The following TEX11 variants were observed in gnomAD, a reference collection of about 807,000 sequenced individuals.
TEX11 encodes testis expressed 11, also known as testis-expressed protein 11.
Under a neutral mutation model 84.4 loss-of-function variants are expected in TEX11, and 7 were observed. The observed-to-expected ratio is 0.08, with a 90% confidence interval of 0.05 to 0.16. The LOEUF is 0.16. Ranked by LOEUF, TEX11 falls within the 10% of genes least tolerant of loss-of-function variation. The pLI is 1.00. For missense variants in TEX11, 551 were observed against 660.5 expected, an observed-to-expected ratio of 0.83 and a Z score of 1.82; for synonymous variants, 264 against 222.8, an observed-to-expected ratio of 1.18 and a Z score of -1.64.
chrX:70,610,931 A>T (rs2089253673), intron 20 of TEX11, among the ~76,000 whole-genome samples: 1 of 112,373 alleles, frequency 8.9e-6, no homozygotes, highest in Non-Finnish European at 1.9e-5. Context: ...ACAAGAAAAG[A>T]TAAAAGATAA....
At position 70,869,146 on chromosome X, in the gene TEX11, A is replaced by T. The variant is rs181706884; in HGVS notation, c.244+4077T>A. On this transcript the variant is annotated intron_variant, in intron 4 of 29. Transcript: ENST00000374333. ...ATAAAATAAAGAAAAGAAAAAGAAA[A>T]TGTTTCCTTTCTTTATTCCAAAGTT... is the stretch of plus-strand genomic sequence containing the variant. 1.6e-3 allele frequency among the ~76,000 whole-genome samples: 170 copies of T among 109,454 alleles called. 4 individuals carry two copies. The highest frequency in any genetic ancestry group is 5.9e-4 in the Non-Finnish European group (31 of 52,563).
Position 70,840,153 on chromosome X carries a change from G to C in TEX11, c.526-6560C>G, listed in dbSNP as rs1285494350. 1.2e-4 allele frequency among the ~76,000 whole-genome samples: 13 copies of C among 111,242 alleles called. No homozygotes were observed. In the Admixed American group the frequency reaches 1.3e-3, roughly 11 times the overall value. On this transcript the variant is annotated intron_variant, in intron 7 of 29. Transcript: ENST00000374333. Reference sequence around the variant, plus strand: ...ACACCACAAAGATACTCCTCGAGAAGAGCAAGTCCAAGACACATAATTGTC... The same window carrying C: ...ACACCACAAAGATACTCCTCGAGAACAGCAAGTCCAAGACACATAATTGTC...
intron 17 of TEX11, among the ~76,000 whole-genome samples, chrX:70,641,883 G>T (rs750763851): frequency 2.7e-5 from 3 of 111,146 alleles, no homozygotes; most frequent in East Asian, 2.8e-4. Flanking sequence ...GCAAACACAT[G>T]CAAAAGCTAA....
chrX:70,838,762 T>A (rs911079568), intron 7 of TEX11, among the ~76,000 whole-genome samples: 1 of 112,186 alleles, frequency 8.9e-6, no homozygotes, highest in Non-Finnish European at 1.9e-5. Context: ...AGATGGCACC[T>A]GGAAAATCGG....
intron 16 of TEX11, among the ~76,000 whole-genome samples, chrX:70,666,129 G>A (rs1179529245): frequency 8.9e-6 from 1 of 111,802 alleles, no homozygotes; most frequent in South Asian, 3.8e-4. Flanking sequence ...TCCAATAGAT[G>A]ACTAAGGCAG....
chrX:70,735,869 T>A (rs748624574), intron 11 of TEX11, among the ~76,000 whole-genome samples: 1 of 112,364 alleles, frequency 8.9e-6, no homozygotes, highest in East Asian at 2.8e-4. Flanking sequence ...ATATTGAGTA[T>A]CTTTTTGTGT....
At chrX:70,571,721 C>T (rs756608787) in intron 25 of TEX11, among the ~76,000 whole-genome samples, 2 of 111,534 alleles carry the variant, frequency 1.8e-5, no homozygotes, top group South Asian at 7.4e-4. Flanking sequence ...GATTTCAATC[C>T]TTTGAAACTT....
intron 15 of TEX11, among the ~76,000 whole-genome samples, chrX:70,676,775 T>C (rs755264039): frequency 8.9e-5 from 10 of 112,033 alleles, no homozygotes; most frequent in Non-Finnish European, 1.7e-4. Context: ...TTTTAAGGGT[T>C]TTTTCCCTGT....
chrX:70,708,228 C>T (rs957470926), intron 13 of TEX11, among the ~76,000 whole-genome samples: 6 of 111,343 alleles, frequency 5.4e-5, no homozygotes, highest in African/African-American at 1.6e-4. Flanking sequence ...AAGAAAAATG[C>T]AAATCAAAAC....
chrX:70,581,919 C>T (rs933791782), intron 25 of TEX11, among the ~76,000 whole-genome samples: 1 of 111,707 alleles, frequency 9.0e-6, no homozygotes, highest in African/African-American at 3.2e-5. Flanking sequence ...GTTTCTAAGA[C>T]AGTAGTTCTC....
the TEX11 span, among the ~76,000 whole-genome samples, chrX:70,516,904 A>G: frequency 9.0e-6 from 1 of 111,236 alleles, no homozygotes; most frequent in East Asian, 2.8e-4. Flanking sequence ...GAGTTCACTC[A>G]CGATTTGGCT....
chrX:70,617,978 A>G (rs1179132178), intron 20 of TEX11, among the ~76,000 whole-genome samples: 1 of 112,295 alleles, frequency 8.9e-6, no homozygotes, highest in Non-Finnish European at 1.9e-5. Context: ...GAGCTGCTTA[A>G]TTTATGCATG....
At chrX:70,698,773 A>C (rs1283613781) in intron 13 of TEX11, among the ~76,000 whole-genome samples, 1 of 111,329 alleles carries the variant, frequency 9.0e-6, no homozygotes, top group Non-Finnish European at 1.9e-5. Flanking sequence ...AGATATGAGA[A>C]AAGGAGTAAA....
chrX:70,685,483 A>T (rs1278398372), intron 13 of TEX11, among the ~76,000 whole-genome samples: 1 of 112,439 alleles, frequency 8.9e-6, no homozygotes, highest in African/African-American at 3.2e-5. Flanking sequence ...GTAATACTTG[A>T]AACTGTAGAA....
rs35715918 is a variant in TEX11 at position 70,664,791 on chromosome X, G to GT, written c.1380+5585dup. Among the ~76,000 whole-genome samples, 12 of 79,684 alleles carry GT rather than the reference G, an allele frequency of 1.5e-4. No homozygotes were observed. In the South Asian group the frequency reaches 2.1e-3, roughly 14 times the overall value. 69.2% of individuals were successfully genotyped at this position (79,684 alleles called of 115,157 possible). On this transcript the variant is annotated intron_variant, in intron 16 of 29. Coordinates refer to ENST00000374333, the MANE Select transcript of TEX11 (RefSeq NM_031276.3). ...ACCTTCATCTTATGTTTCTTTAGTG[G>GT]TTTTTTTTTTTTGCATCCATATAGA... is the stretch of plus-strand genomic sequence containing the variant.
intron 14 of TEX11, among the ~76,000 whole-genome samples, chrX:70,679,352 G>C (rs1277611026): frequency 2.7e-5 from 3 of 109,713 alleles, no homozygotes; most frequent in African/African-American, 9.9e-5. Flanking sequence ...GCCTCTGCCC[G>C]GCCACCACCC....
intron 28 of TEX11, among the ~76,000 whole-genome samples, chrX:70,537,785 G>A (rs770610913): frequency 3.6e-5 from 4 of 111,216 alleles, no homozygotes; most frequent in South Asian, 3.9e-4. Flanking sequence ...GAGGTAGACA[G>A]TGGCTAAAAA....
At chrX:70,774,027 T>G (rs1364573329) in intron 9 of TEX11, among the ~76,000 whole-genome samples, 2 of 109,631 alleles carry the variant, frequency 1.8e-5, no homozygotes, top group African/African-American at 6.7e-5. Context: ...GAAAATAACA[T>G]AGAGAGCTGC....
intron 28 of TEX11, 21 bp downstream of exon 28, chrX:70,552,105 T>C (rs767209795): frequency 8.3e-7 from 1 of 1,202,849 alleles, no homozygotes; most frequent in Non-Finnish European, 1.1e-6. Context: ...ACTGAAAGTT[T>C]AATATCACTA....
Sources: allele counts gnomAD v4.1 joint callset (sites outside exome capture counted in the v4.1 genomes callset), GRCh38; gene constraint gnomAD v4.1.1; transcripts MANE v1.5; gene names NCBI Gene and HGNC (gene_info 2026-07-23, HGNC 2026-07-21).